CREB5: variants seen among roughly 807,000 people sequenced by gnomAD.
CREB5 encodes cyclic AMP-responsive element-binding protein 5.
CREB5 carries 19 observed loss-of-function variants against 57.1 expected under a neutral mutation model. The observed-to-expected ratio is 0.33, with a 90% CI of 0.23 to 0.49. The LOEUF is 0.49. Ranked by LOEUF, CREB5 falls within the 20% of genes least tolerant of loss-of-function variation. The probability of loss-of-function intolerance (pLI) is 0.99; values close to 1 mark genes in which losing one functional copy is unlikely to be tolerated. For synonymous variants in CREB5, 238 were observed against 238.3 expected, an observed-to-expected ratio of 1.00 and a Z score of 0.01; for missense variants, 579 against 671.6, an observed-to-expected ratio of 0.86 and a Z score of 1.52.
chr7:28,707,154 G>A (rs1481627542), intron 5 of CREB5, among the ~76,000 whole-genome samples: 1 of 152,116 alleles, frequency 6.6e-6, no homozygotes, highest in Non-Finnish European at 1.5e-5. Context: ...GAGAGGCTGG[G>A]TGTTTCTGGG....
At chr7:28,318,886 G>A (rs75421355) in intron 1 of CREB5, among the ~76,000 whole-genome samples, 3,085 of 152,164 alleles carry the variant, frequency 0.02, 71 homozygotes, top group Admixed American at 0.056. Context: ...TAATTATGTG[G>A]GGAAGAAAAA....
At position 28,758,472 on chromosome 7, in the gene CREB5, G is replaced by A. The variant is rs561942332; in HGVS notation, c.702+34140G>A. 3.1e-4 allele frequency among the ~76,000 whole-genome samples: 47 copies of A among 152,244 alleles called. No homozygotes were observed. In the South Asian group the frequency reaches 9.1e-3, roughly 30 times the overall value. On this transcript the variant is annotated intron_variant, in intron 7 of 10. Transcript: ENST00000357727. ...CTGGTATGTGAATAGAGGGAGGTCC[G>A]GTGGGGAAAGTCAGTCAAATTAGTT...
At chr7:28,554,255 A>G (rs1043515876) in intron 4 of CREB5, among the ~76,000 whole-genome samples, 7 of 152,186 alleles carry the variant, frequency 4.6e-5, no homozygotes, top group Non-Finnish European at 1.0e-4. Context: ...TGGTCACACC[A>G]TCTCTTTGGC....
chr7:28,802,135 T>A (rs960480990), intron 7 of CREB5, among the ~76,000 whole-genome samples: 3 of 145,032 alleles, frequency 2.1e-5, no homozygotes, highest in Non-Finnish European at 4.5e-5. Flanking sequence ...GCATCTAATC[T>A]TTCCCAGACA....
intron 1 of CREB5, among the ~76,000 whole-genome samples, chr7:28,398,579 G>A (rs912635985): frequency 2.0e-5 from 3 of 152,118 alleles, no homozygotes; most frequent in South Asian, 2.1e-4. Flanking sequence ...AATATATATT[G>A]CTTTATAGCA....
chr7:28,374,048 G>A (rs1302126443), intron 1 of CREB5, among the ~76,000 whole-genome samples: 4 of 152,048 alleles, frequency 2.6e-5, no homozygotes, highest in Non-Finnish European at 2.9e-5. Context: ...TTAAAAGCCC[G>A]AGCTTCAATG....
At chr7:28,691,875 A>G (rs560042331) in intron 5 of CREB5, among the ~76,000 whole-genome samples, 1 of 152,262 alleles carries the variant, frequency 6.6e-6, no homozygotes, top group South Asian at 2.1e-4. Context: ...TACTTAAAAA[A>G]GAAGCAGCTG....
intron 4 of CREB5, among the ~76,000 whole-genome samples, chr7:28,519,001 G>A (rs1449191395): frequency 1.3e-5 from 2 of 152,164 alleles, no homozygotes; most frequent in Admixed American, 1.3e-4. Context: ...CTGGTTCCTA[G>A]GTAGGGGTTG....
At chr7:28,653,463 C>T (rs1377669324) in intron 5 of CREB5, among the ~76,000 whole-genome samples, 1 of 152,208 alleles carries the variant, frequency 6.6e-6, no homozygotes, top group Non-Finnish European at 1.5e-5. Flanking sequence ...TTATTTTATC[C>T]CTTTAGAAGT....
At chr7:28,742,163 T>C (rs948087214) in intron 7 of CREB5, among the ~76,000 whole-genome samples, 5 of 152,016 alleles carry the variant, frequency 3.3e-5, no homozygotes, top group African/African-American at 1.2e-4. Context: ...CTTATTACCA[T>C]TGAAACCAGA....
intron 1 of CREB5, among the ~76,000 whole-genome samples, chr7:28,453,803 C>G (rs1340294016): frequency 6.6e-6 from 1 of 152,200 alleles, no homozygotes; most frequent in Non-Finnish European, 1.5e-5. Flanking sequence ...CAAGCTGCCC[C>G]CAAGGGCATT....
At chr7:28,754,776 A>C (rs934589236) in intron 7 of CREB5, among the ~76,000 whole-genome samples, 5 of 152,274 alleles carry the variant, frequency 3.3e-5, no homozygotes, top group African/African-American at 1.2e-4. Context: ...CCTGCTTTAC[A>C]ATAGAGAGGG....
intron 5 of CREB5, among the ~76,000 whole-genome samples, chr7:28,682,141 T>C (rs549394916): frequency 1.3e-5 from 2 of 152,016 alleles, no homozygotes; most frequent in South Asian, 4.2e-4. Flanking sequence ...AGGGTTGGGG[T>C]ATAGGAGGTG....
chr7:28,435,059 T>C (rs1035067635), intron 1 of CREB5, among the ~76,000 whole-genome samples: 3 of 151,724 alleles, frequency 2.0e-5, no homozygotes, highest in African/African-American at 7.3e-5. Flanking sequence ...AGGGATTCAA[T>C]GAACACTGGA....
chr7:28,372,650 A>C (rs1332635610), intron 1 of CREB5, among the ~76,000 whole-genome samples: 1 of 152,202 alleles, frequency 6.6e-6, no homozygotes, highest in Admixed American at 6.5e-5. Flanking sequence ...CATGACTATA[A>C]AGCTCTTTGA....
intron 5 of CREB5, among the ~76,000 whole-genome samples, chr7:28,580,104 A>G (rs886498941): frequency 2.0e-5 from 3 of 152,340 alleles, no homozygotes; most frequent in Admixed American, 6.5e-5. Flanking sequence ...GTCTACTTCT[A>G]AAGTCCTTCC....
chr7:28,603,728 G>A (rs963984952), intron 5 of CREB5, among the ~76,000 whole-genome samples: 3 of 152,102 alleles, frequency 2.0e-5, no homozygotes, highest in South Asian at 2.1e-4. Flanking sequence ...ATACCCCTAC[G>A]CTTTAGTTCG....
At chr7:28,686,911 C>G (rs1001413948) in intron 5 of CREB5, among the ~76,000 whole-genome samples, 5 of 149,104 alleles carry the variant, frequency 3.4e-5, no homozygotes, top group African/African-American at 1.0e-4. Context: ...TTCTCTCTCT[C>G]TGTTTTTTAA....
chr7:28,685,858 A>G (rs1800867172), intron 5 of CREB5: 1 of 336,474 alleles, frequency 3.0e-6, no homozygotes, highest in African/African-American at 2.1e-5. Context: ...CCGAGCCTGG[A>G]ACTCAGCCTG....
Sources: allele counts gnomAD v4.1 joint callset (sites outside exome capture counted in the v4.1 genomes callset), GRCh38; gene constraint gnomAD v4.1.1; transcripts MANE v1.5; gene names NCBI Gene and HGNC (gene_info 2026-07-23, HGNC 2026-07-21).